SLC16A10: variants seen among roughly 807,000 people sequenced by gnomAD.
SLC16A10 encodes the protein solute carrier family 16 member 10, also known as monocarboxylate transporter 10.
Under a neutral mutation model 40.0 loss-of-function variants are expected in SLC16A10, and 27 were observed. The ratio of observed to expected loss-of-function variants is 0.67; its 90% confidence interval spans 0.50 to 0.93. The LOEUF (loss-of-function observed/expected upper bound fraction) is 0.93, where lower values mean the gene tolerates loss of function less well. Ranked by LOEUF, SLC16A10 falls within the 40% of genes least tolerant of loss-of-function variation. The pLI is 0.00. For synonymous variants in SLC16A10, 213 were observed against 249.8 expected, an observed-to-expected ratio of 0.85 and a Z score of 1.39; for missense variants, 529 against 658.2, an observed-to-expected ratio of 0.80 and a Z score of 2.15.
intron 1 of SLC16A10, among the ~76,000 whole-genome samples, chr6:111,129,270 G>T (rs1016876877): frequency 6.6e-6 from 1 of 152,232 alleles, no homozygotes; most frequent in African/African-American, 2.4e-5. Flanking sequence ...AAGAAGGAAG[G>T]GGGGTTGGGG....
At chr6:111,210,561 G>A (rs1773328917) in intron 4 of SLC16A10, among the ~76,000 whole-genome samples, 1 of 152,148 alleles carries the variant, frequency 6.6e-6, no homozygotes, top group African/African-American at 2.4e-5. Flanking sequence ...TGCTGTTAGG[G>A]TGATGCAAAC....
rs751462110 is a variant in SLC16A10 at position 111,222,194 on chromosome 6, T to A, written c.1507T>A (p.Ser503Thr). Residue 503 changes from serine to threonine, a missense_variant, in exon 6 of 6, where the codon TCA becomes ACA. Coordinates refer to ENST00000368851, the MANE Select transcript of SLC16A10 (RefSeq NM_018593.5). ...LENQNSLLSS[S>T]SGMFKKESDS... Reference sequence around the variant, plus strand: ...AAACCAGAACTCTCTGCTGTCAAGTTCATCTGGAATGTTCAAGAAAGAATC... The same window carrying A: ...AAACCAGAACTCTCTGCTGTCAAGTACATCTGGAATGTTCAAGAAAGAATC... 6.2e-7 allele frequency: 1 copy of A among 1,606,914 alleles called. No homozygotes were observed. The highest frequency in any genetic ancestry group is 8.5e-7 in the Non-Finnish European group (1 of 1,177,994).
rs746827918 is a variant in SLC16A10, at chr6:111,221,965, A to C, written c.1316-38A>C. 118 of 1,572,840 alleles carry C rather than the reference A, an allele frequency of 7.5e-5. 7 individuals carry two copies. The South Asian group carries it at 1.4e-3, about 18-fold the overall frequency. Reference sequence around the variant, plus strand: ...TGATCTAGACCCCCTACAGAGCCACACTTGTTCTCCCTTGGTGACAGCTTT... The same window carrying C: ...TGATCTAGACCCCCTACAGAGCCACCCTTGTTCTCCCTTGGTGACAGCTTT... On this transcript the variant is annotated intron_variant, in intron 5 of 5. Transcript: ENST00000368851.
intron 3 of SLC16A10, among the ~76,000 whole-genome samples, chr6:111,181,649 T>C (rs1198591210): frequency 6.6e-6 from 1 of 152,202 alleles, no homozygotes; most frequent in Non-Finnish European, 1.5e-5. Context: ...CTCATTGCTA[T>C]GTTAAAAATT....
chr6:111,174,454 G>T (rs1232423935), intron 2 of SLC16A10, among the ~76,000 whole-genome samples: 3 of 140,374 alleles, frequency 2.1e-5, no homozygotes, highest in East Asian at 2.1e-4. Flanking sequence ...AATTCTATTT[G>T]GATTTTTAAA....
chr6:111,212,751 C>T (rs1209591851), intron 4 of SLC16A10, among the ~76,000 whole-genome samples: 3 of 151,042 alleles, frequency 2.0e-5, no homozygotes, highest in Non-Finnish European at 2.9e-5. Context: ...TGTGATCATG[C>T]CACTGCATAC....
At chr6:111,173,609 G>GT (rs1772627459) in intron 2 of SLC16A10, 1 of 152,144 alleles carries the variant, frequency 6.6e-6, no homozygotes, top group African/African-American at 2.4e-5. Flanking sequence ...TGTCAGATCA[G>GT]TGGCAGCATT....
intron 1 of SLC16A10, among the ~76,000 whole-genome samples, chr6:111,114,184 T>C (rs746008008): frequency 5.3e-5 from 8 of 152,210 alleles, no homozygotes; most frequent in Non-Finnish European, 1.2e-4. Flanking sequence ...TTAGCAAGCA[T>C]AGGACTTCTG....
chr6:111,216,078 C>G (rs567218972), intron 4 of SLC16A10, among the ~76,000 whole-genome samples: 30 of 152,242 alleles, frequency 2.0e-4, no homozygotes, highest in Non-Finnish European at 3.5e-4. Flanking sequence ...AATTTCAAAC[C>G]CTTTTCTACA....
intron 1 of SLC16A10, among the ~76,000 whole-genome samples, chr6:111,116,318 A>G (rs1018551657): frequency 6.6e-6 from 1 of 151,964 alleles, no homozygotes; most frequent in Non-Finnish European, 1.5e-5. Flanking sequence ...CCTGGGTTCA[A>G]GCAATTCTCA....
chr6:111,154,053 T>C (rs58505189), intron 1 of SLC16A10, among the ~76,000 whole-genome samples: 1,820 of 152,310 alleles, frequency 0.012, 26 homozygotes, highest in African/African-American at 0.042. Flanking sequence ...TTTAAAATTA[T>C]AGAGTCTTAT....
In SLC16A10 at chr6:111,227,213, T is replaced by A. The variant is rs1040651627; in HGVS notation, c.*4978T>A. On this transcript the variant is annotated 3_prime_UTR_variant, in exon 6 of 6. Transcript: ENST00000368851. ...TCTAAAAAGACTGTCTAGAGCTGAATTTAAGAATGGTTCTGGAGCAAATAA... is the reference window on the plus strand; with the variant it reads ...TCTAAAAAGACTGTCTAGAGCTGAAATTAAGAATGGTTCTGGAGCAAATAA... 4 of 152,234 alleles carry A rather than the reference T, an allele frequency of 2.6e-5. No individual in the cohort carries two copies. Among genetic ancestry groups the A allele is most frequent in the African/African-American group, 9.6e-5 (4 of 41,452 alleles). 9.4% of individuals were successfully genotyped at this position (152,234 alleles called of 1,614,324 possible).
intron 4 of SLC16A10, among the ~76,000 whole-genome samples, chr6:111,217,263 C>T (rs1277458658): frequency 6.6e-6 from 1 of 152,174 alleles, no homozygotes; most frequent in Non-Finnish European, 1.5e-5. Flanking sequence ...AACATTAGTA[C>T]CACCTCATAA....
intron 1 of SLC16A10, among the ~76,000 whole-genome samples, chr6:111,109,656 T>G (rs557874091): frequency 6.6e-6 from 1 of 152,210 alleles, no homozygotes; most frequent in South Asian, 2.1e-4. Context: ...CTCTGTATAT[T>G]GCCCAGGCTG....
intron 1 of SLC16A10, among the ~76,000 whole-genome samples, chr6:111,164,879 C>T (rs1472772964): frequency 6.6e-6 from 1 of 152,150 alleles, no homozygotes. Context: ...TGTATTTTAC[C>T]AATAATCTCT....
intron 3 of SLC16A10, among the ~76,000 whole-genome samples, chr6:111,185,451 A>G (rs1213870901): frequency 6.6e-6 from 1 of 152,200 alleles, no homozygotes; most frequent in Non-Finnish European, 1.5e-5. Flanking sequence ...ACAGCCAGGG[A>G]GAAAACTCTG....
At chr6:111,104,506 T>C (rs1170667522) in intron 1 of SLC16A10, among the ~76,000 whole-genome samples, 3 of 152,278 alleles carry the variant, frequency 2.0e-5, no homozygotes, top group African/African-American at 7.2e-5. Context: ...ACATTTTGTA[T>C]TGTGCCCCAC....
intron 2 of SLC16A10, among the ~76,000 whole-genome samples, chr6:111,173,274 A>G (rs534284453): frequency 1.3e-5 from 2 of 152,328 alleles, no homozygotes; most frequent in East Asian, 1.9e-4. Context: ...ATTTTTGTTA[A>G]TGAGACCAAA....
intron 1 of SLC16A10, chr6:111,091,289 A>G (rs1470842370): frequency 6.6e-6 from 1 of 152,108 alleles, no homozygotes; most frequent in African/African-American, 2.4e-5. Context: ...TGTCATTCCA[A>G]TTTTAGTAGA....
Sources: gnomAD v4.1 joint callset for allele counts (sites outside exome capture counted in the v4.1 genomes callset) on GRCh38, gnomAD v4.1.1 for gene constraint, MANE v1.5 for transcripts, NCBI Gene and HGNC (gene_info 2026-07-23, HGNC 2026-07-21) for gene names.